Variants in NOA1 observed in about 807,000 individuals in gnomAD.
NOA1 encodes the protein nitric oxide associated 1.
A neutral mutation model predicts 58.4 loss-of-function variants in NOA1; 35 were observed. The observed-to-expected ratio is 0.60, with a 90% CI of 0.46 to 0.79. The LOEUF (loss-of-function observed/expected upper bound fraction) is 0.79, where lower values mean the gene tolerates loss of function less well. Among genes scored for constraint, NOA1 ranks in the 30% least tolerant of loss-of-function variants. NOA1 has a pLI of 0.00. For synonymous variants in NOA1, 397 were observed against 373.4 expected (o/e 1.06, Z -0.73); for missense variants, 895 against 894.6 (o/e 1.00, Z -0.01).
intron 4 of NOA1, among the ~76,000 whole-genome samples, chr4:56,967,926 T>TC (rs1721745649): frequency 6.6e-6 from 1 of 151,898 alleles, no homozygotes; most frequent in Non-Finnish European, 1.5e-5. Flanking sequence ...CAAGTTTTTT[T>TC]TTTTTTTTTG....
Position 56,966,629 on chromosome 4 carries a change from C to A in NOA1, c.1755G>T (p.Thr585=). 1 of 1,602,652 alleles carries A rather than the reference C, an allele frequency of 6.2e-7. No homozygotes were observed. Among genetic ancestry groups the A allele is most frequent in the Non-Finnish European group, 8.5e-7 (1 of 1,169,730 alleles). ...DALYQKHAGH[T]LLQIPMGGKE... ...AGGCATGTTGCCTTACCTGGAGTAA[C>A]GTATGACCTGCATGCTTCTGATACA... Residue 585 remains threonine, a synonymous_variant, in exon 5 of 7, where the codon ACG becomes ACT. Coordinates refer to ENST00000264230, the MANE Select transcript of NOA1 (RefSeq NM_032313.4).
Position 56,977,361 on chromosome 4 carries a change from CG to C in NOA1, c.224del (p.Pro75ArgfsTer65). 5 of 1,614,200 alleles carry C rather than the reference CG, an allele frequency of 3.1e-6. No individual in the cohort carries two copies. The highest frequency in any genetic ancestry group is 4.2e-6 in the Non-Finnish European group (5 of 1,180,032). On this transcript the variant is annotated frameshift_variant, in exon 1 of 7. Transcript: ENST00000264230. LOFTEE classifies it high-confidence loss of function. ...GCGGCTCCGGATCCAGGATGTACTCCGGGAACAGAAAACGCTCCTGCATGTC... is the reference window on the plus strand; with the variant it reads ...GCGGCTCCGGATCCAGGATGTACTCCGGAACAGAAAACGCTCCTGCATGTC... Reference protein sequence around the residue: ...GGDMQERFLFPEYILDPEPQP... With the variant: ...GGDMQERFLFXEYILDPEPQP...
chr4:56,975,896 A>T (rs1212266302), intron 1 of NOA1, among the ~76,000 whole-genome samples: 2 of 151,712 alleles, frequency 1.3e-5, no homozygotes, highest in African/African-American at 4.8e-5. Context: ...CAAACACAAA[A>T]ATTAGCTTGG....
intron 1 of NOA1, among the ~76,000 whole-genome samples, chr4:56,976,053 A>G (rs910800961): frequency 6.6e-6 from 1 of 152,164 alleles, no homozygotes; most frequent in African/African-American, 2.4e-5. Flanking sequence ...TCTCCAAAAC[A>G]AAACAAACAA....
At chr4:56,965,730 T>C (rs1407793881) in intron 5 of NOA1, among the ~76,000 whole-genome samples, 1 of 135,684 alleles carries the variant, frequency 7.4e-6, no homozygotes, top group Non-Finnish European at 1.6e-5. Flanking sequence ...GTGTGTGTAT[T>C]GGTGATGAGG....
At chr4:56,967,259 A>G (rs943597965) in intron 4 of NOA1, among the ~76,000 whole-genome samples, 1 of 151,970 alleles carries the variant, frequency 6.6e-6, no homozygotes, top group African/African-American at 2.4e-5. Context: ...GTGTGCCTGT[A>G]GTCCCGACTA....
Position 56,975,651 on chromosome 4 carries a change from G to A in NOA1, c.1144+791C>T, listed in dbSNP as rs184565578. ...CCAGCACTTTGGGATGCTGAGGCGGGCGGATCACGAGGTCAGGGGTTTGAG... is the reference window on the plus strand; with the variant it reads ...CCAGCACTTTGGGATGCTGAGGCGGACGGATCACGAGGTCAGGGGTTTGAG... On this transcript the variant is annotated intron_variant, in intron 1 of 6. Transcript: ENST00000264230. 9.0e-3 allele frequency among the ~76,000 whole-genome samples: 1,367 copies of A among 152,156 alleles called. 6 individuals carry two copies. Among genetic ancestry groups the A allele is most frequent in the Middle Eastern group, 0.02 (6 of 294 alleles).
intron 4 of NOA1, 121 bp downstream of exon 4, chr4:56,968,263 T>G (rs929911212): frequency 2.8e-6 from 3 of 1,081,852 alleles, no homozygotes; most frequent in Non-Finnish European, 4.0e-6. Context: ...AAAAACAAAT[T>G]AAACCCAATA....
Position 56,976,395 on chromosome 4 carries a change from C to G in NOA1, c.1144+47G>C, listed in dbSNP as rs564398290. 1.8e-5 allele frequency: 27 copies of G among 1,542,112 alleles called. No homozygotes were observed. The South Asian group carries it at 2.5e-4, about 14-fold the overall frequency. On this transcript the variant is annotated intron_variant, in intron 1 of 6. Transcript: ENST00000264230. ...ACTCGGTGCCTCGGCCAGGACCAGA[C>G]GTCCACCTTGCCAGGAAACGAAGAG...
intron 5 of NOA1, among the ~76,000 whole-genome samples, chr4:56,965,917 G>GCCTCATAC (rs962315241): frequency 7.0e-6 from 1 of 142,400 alleles, no homozygotes; most frequent in Non-Finnish European, 1.5e-5. Flanking sequence ...GCTCACCACA[G>GCCTCATAC]CCTCATACTC....
chr4:56,976,507 T>C lies in NOA1; in HGVS notation c.1079A>G (p.Glu360Gly). The change falls in exon 1 of 7, where the codon GAG (glutamate) becomes GGG (glycine). Residue 360 changes from glutamate to glycine, a missense_variant. This residue lies in a region of NOA1 where 680 missense variants were observed against 656.5 expected (regional missense o/e 1.04). Coordinates refer to ENST00000264230, the MANE Select transcript of NOA1 (RefSeq NM_032313.4). ...GCCCTTGGCAGTGCAGTAATCGGACTCCAGGAGCGTGTTAAAGAGAGTGGA... is the reference window on the plus strand; with the variant it reads ...GCCCTTGGCAGTGCAGTAATCGGACCCCAGGAGCGTGTTAAAGAGAGTGGA... ...GKSTLFNTLL[E>G]SDYCTAKGSE... 6.2e-7 allele frequency: 1 copy of C among 1,614,226 alleles called. No individual in the cohort carries two copies. The highest frequency in any genetic ancestry group is 2.2e-5 in the East Asian group (1 of 44,878).
rs1334673329 is a variant in NOA1 at position 56,963,866 on chromosome 4, G to A, written c.1886-205C>T. 2.6e-5 allele frequency among the ~76,000 whole-genome samples: 4 copies of A among 151,944 alleles called. No individual in the cohort carries two copies. In the East Asian group the frequency reaches 7.7e-4, roughly 29 times the overall value. On this transcript the variant is annotated intron_variant, in intron 6 of 6. Transcript: ENST00000264230. ...GGGCTCAAGCGATCGTACTGCCTCGGCGTCCCGAGAAGCTGGGGGCACAGG... is the reference window on the plus strand; with the variant it reads ...GGGCTCAAGCGATCGTACTGCCTCGACGTCCCGAGAAGCTGGGGGCACAGG...
At chr4:56,974,422 C>T (rs973548684) in intron 1 of NOA1, among the ~76,000 whole-genome samples, 4 of 152,028 alleles carry the variant, frequency 2.6e-5, no homozygotes, top group Admixed American at 1.3e-4. Context: ...GAGGCCCAGG[C>T]GGGTGGATCA....
In NOA1 at chr4:56,976,557, T is replaced by A; in HGVS notation, c.1029A>T (p.Leu343Phe). Residue 343 changes from leucine to phenylalanine, a missense_variant, in exon 1 of 7, where the codon TTA becomes TTT. Physicochemically the swap from Leu to Phe is conservative, Grantham distance 22 (BLOSUM62 0). Coordinates refer to ENST00000264230, the MANE Select transcript of NOA1 (RefSeq NM_032313.4). ...ATTTGCCGGCGTTGGTGGCGCCCAC[T>A]AAGTAGACGTCCCCACGGTAGCGCC... Reference protein sequence around the residue: ...RSWRYRGDVYLVGATNAGKST... With the variant: ...RSWRYRGDVYFVGATNAGKST... The A allele has an allele frequency of 6.2e-7, 1 of 1,614,218 alleles. No individual in the cohort carries two copies.
chr4:56,966,924 T>C (rs1430134519), intron 4 of NOA1, among the ~76,000 whole-genome samples, 188 bp from the exon 5 acceptor site: 1 of 152,198 alleles, frequency 6.6e-6, no homozygotes, highest in African/African-American at 2.4e-5. Flanking sequence ...ACTGAAGCAG[T>C]GCATTTCAGC....
In NOA1 at chr4:56,977,121, C is replaced by T. The variant is rs908666249; in HGVS notation, c.465G>A (p.Val155=). ...ACTTCTCTCGGGGCAGGTAGCCGGG[C>T]ACTCCGGCGTCCTGGCAGTGCAGCT... is the stretch of plus-strand genomic sequence containing the variant. ...GAELHCQDAG[V]PGYLPREKFL... is the part of the protein sequence containing the mutation. The change falls in exon 1 of 7, where the codon GTG becomes GTA. Residue 155 remains valine, a synonymous_variant. Coordinates refer to ENST00000264230, the MANE Select transcript of NOA1 (RefSeq NM_032313.4). The T allele has an allele frequency of 4.5e-6, 7 of 1,555,686 alleles. No homozygotes were observed. The highest frequency in any genetic ancestry group is 6.1e-6 in the Non-Finnish European group (7 of 1,153,520).
At position 56,977,113 on chromosome 4, in the gene NOA1, T is replaced by A. The variant is rs767448102; in HGVS notation, c.473A>T (p.Tyr158Phe). ...LHCQDAGVPGYLPREKFLRTA... is the reference protein window; with the variant it reads ...LHCQDAGVPGFLPREKFLRTA... ...GCGGAGGAACTTCTCTCGGGGCAGG[T>A]AGCCGGGCACTCCGGCGTCCTGGCA... The change falls in exon 1 of 7, where the codon TAC becomes TTC. Residue 158 changes from tyrosine (Y) to phenylalanine (F), a missense_variant. Coordinates refer to ENST00000264230, the MANE Select transcript of NOA1 (RefSeq NM_032313.4). 8 of 1,560,280 alleles carry A rather than the reference T, an allele frequency of 5.1e-6. No homozygotes were observed. In the Admixed American group the frequency reaches 1.3e-4, roughly 25 times the overall value.
At position 56,977,020 on chromosome 4, in the gene NOA1, C is replaced by G. The variant is rs751399381; in HGVS notation, c.566G>C (p.Arg189Pro). 2.1e-5 allele frequency: 34 copies of G among 1,589,702 alleles called. No homozygotes were observed. The African/African-American group carries it at 3.9e-4, about 18-fold the overall frequency. ...GCTCACCTGCAGGCGTAGAGCGCGC[C>G]GGTGGTGCGACAGCAGCCAGCAGCG... ...CQRCWLLSHH[R>P]RALRLQVSRE... Residue 189 changes from arginine (R) to proline (P), a missense_variant, in exon 1 of 7, where the codon CGG (arginine) becomes CCG (proline). By Grantham distance (103) the Arg-to-Pro change is moderately radical. Around this residue, in one of 3 missense-constraint regions of NOA1, gnomAD observed 680 missense variants for 656.5 expected, o/e 1.04. Transcript: ENST00000264230.
At chr4:56,972,029 C>T (rs574154792) in intron 3 of NOA1, among the ~76,000 whole-genome samples, 1 of 152,238 alleles carries the variant, frequency 6.6e-6, no homozygotes, top group South Asian at 2.1e-4. Context: ...GCTGGGACTA[C>T]AGGTGCCCAC....
Sources: gnomAD v4.1 joint callset for allele counts (sites outside exome capture counted in the v4.1 genomes callset) on GRCh38, gnomAD v4.1.1 for gene constraint, gnomAD v4.1.1 regional missense constraint, MANE v1.5 for transcripts, NCBI Gene and HGNC (gene_info 2026-07-23, HGNC 2026-07-21) for gene names.